SLC2A9: variants seen among roughly 807,000 people sequenced by gnomAD.
SLC2A9 encodes solute carrier family 2 member 9.
Under a neutral mutation model 50.6 loss-of-function variants are expected in SLC2A9, and 39 were observed. That is an observed-to-expected ratio of 0.77 (90% confidence interval 0.60 to 1.01). The LOEUF is 1.01. Among genes scored for constraint, SLC2A9 ranks in the 50% least tolerant of loss-of-function variants. SLC2A9 has a pLI of 0.00. For synonymous variants in SLC2A9, 324 were observed against 276.9 expected (o/e 1.17, Z -1.69); for missense variants, 686 against 677.6 (o/e 1.01, Z -0.14).
intron 5 of SLC2A9, among the ~76,000 whole-genome samples, chr4:9,973,138 A>G (rs1754185431): frequency 6.6e-6 from 1 of 152,220 alleles, no homozygotes; most frequent in Non-Finnish European, 1.5e-5. Context: ...ACAGAAATAT[A>G]AAATATCTTC....
chr4:10,029,940 TA>T (rs1560510534), intron 1 of SLC2A9, among the ~76,000 whole-genome samples: 1 of 152,090 alleles, frequency 6.6e-6, no homozygotes, highest in Non-Finnish European at 1.5e-5. Context: ...CTGGCAGAGA[TA>T]AATTTTTTTT....
intron 1 of SLC2A9, chr4:10,019,302 TGC>T (rs373399620): frequency 2.0e-4 from 113 of 575,820 alleles, no homozygotes; most frequent in African/African-American, 1.6e-3. Flanking sequence ...GCCACGCCCT[TGC>T]GTTCCTTCCG....
chr4:9,805,296 G>A (rs1051363015), intron 3 of SLC2A9, among the ~76,000 whole-genome samples: 11 of 152,224 alleles, frequency 7.2e-5, no homozygotes, highest in East Asian at 1.9e-4. Context: ...ACAGAAAGGC[G>A]CTGAGCCATG....
intron 10 of SLC2A9, among the ~76,000 whole-genome samples, chr4:9,882,328 G>A (rs1735354335): frequency 1.3e-5 from 2 of 152,104 alleles, no homozygotes; most frequent in Admixed American, 1.3e-4. Flanking sequence ...TTCAAAATGG[G>A]CATAATTCCA....
downstream of SLC2A9, among the ~76,000 whole-genome samples, chr4:9,779,416 C>T (rs193200220): frequency 7.2e-6 from 1 of 138,692 alleles, no homozygotes; most frequent in East Asian, 2.1e-4. Flanking sequence ...AGACTTTAAA[C>T]TTTTTTTTTT....
chr4:9,996,283 C>T (rs1560458305), intron 3 of SLC2A9, among the ~76,000 whole-genome samples: 1 of 152,236 alleles, frequency 6.6e-6, no homozygotes, highest in African/African-American at 2.4e-5. Flanking sequence ...TCTGGAAAAG[C>T]AGATCTGTAT....
At chr4:9,815,441 T>C (rs1723443508) in intron 3 of SLC2A9, among the ~76,000 whole-genome samples, 1 of 152,210 alleles carries the variant, frequency 6.6e-6, no homozygotes, top group Non-Finnish European at 1.5e-5. Context: ...GACAGAAGTT[T>C]TGACGGTCAC....
At position 9,890,678 on chromosome 4, in the gene SLC2A9, G is replaced by C; in HGVS notation, c.1147C>G (p.Leu383Val). The change falls in exon 9 of 12, where the codon CTC (leucine) becomes GTC (valine). Residue 383 changes from leucine to valine, a missense_variant. Physicochemically the swap from Leu to Val is conservative, Grantham distance 32. Coordinates refer to ENST00000264784, the MANE Select transcript of SLC2A9 (RefSeq NM_020041.3). ...ATGAGCCCAAAGCCACCAATGAGGA[G>C]GGGTCTCCGTCCCAGGTGCTCAATG... ...LVIEHLGRRP[L>V]LIGGFGLMGL... The C allele has an allele frequency of 2.5e-6, 4 of 1,614,126 alleles. No individual in the cohort carries two copies. The highest frequency in any genetic ancestry group is 2.5e-6 in the Non-Finnish European group (3 of 1,180,028).
At chr4:9,949,909 G>A (rs942545667) in intron 5 of SLC2A9, among the ~76,000 whole-genome samples, 1 of 152,154 alleles carries the variant, frequency 6.6e-6, no homozygotes, top group African/African-American at 2.4e-5. Flanking sequence ...TAGCAGTGGG[G>A]CCTCACAGGG....
chr4:9,924,713 C>T (rs1413830979), intron 6 of SLC2A9, among the ~76,000 whole-genome samples: 1 of 152,190 alleles, frequency 6.6e-6, no homozygotes, highest in Non-Finnish European at 1.5e-5. Context: ...AAATAAACTT[C>T]CCATCTTCAA....
At chr4:9,997,049 C>G (rs951056472) in intron 2 of SLC2A9, 108 bp from the exon 3 acceptor site, 1 of 1,295,106 alleles carries the variant, frequency 7.7e-7, no homozygotes, top group Non-Finnish European at 1.1e-6. Flanking sequence ...TCATGCATAG[C>G]ACTTTGCTAA....
downstream of SLC2A9, among the ~76,000 whole-genome samples, chr4:9,821,495 CAG>C (rs1047507586): frequency 3.3e-5 from 5 of 152,028 alleles, no homozygotes; most frequent in Non-Finnish European, 5.9e-5. Context: ...CGGGGCCTGT[CAG>C]GGGCTGGGGG....
rs1719671635 is a variant in SLC2A9 at position 9,789,772 on chromosome 4, C to A, written n.386-9707G>T. On this transcript the variant is annotated intron_variant and non_coding_transcript_variant, in intron 3 of 3. Coordinates refer to the SLC2A9 transcript ENST00000503803. ...CCATTTTGATATTGCAGGTATGAGA[C>A]CAAGGGATACATGTCTCCCATTTGT... 2.0e-5 allele frequency among the ~76,000 whole-genome samples: 3 copies of A among 152,310 alleles called. No individual in the cohort carries two copies. The South Asian group carries it at 6.2e-4, about 32-fold the overall frequency.
chr4:10,028,755 A>C (rs1360751647), intron 1 of SLC2A9, among the ~76,000 whole-genome samples: 3 of 152,162 alleles, frequency 2.0e-5, no homozygotes, highest in Non-Finnish European at 1.5e-5. Context: ...ATTAGGTCAG[A>C]GTGCTGCCTC....
At chr4:9,899,846 G>A (rs898394279) in intron 8 of SLC2A9, among the ~76,000 whole-genome samples, 2 of 152,176 alleles carry the variant, frequency 1.3e-5, no homozygotes, top group African/African-American at 4.8e-5. Flanking sequence ...GGAAGGAAAG[G>A]CTGGCAGCAG....
intron 1 of SLC2A9, among the ~76,000 whole-genome samples, chr4:10,019,631 T>C (rs1281199804): frequency 2.6e-5 from 4 of 152,220 alleles, no homozygotes; most frequent in Non-Finnish European, 4.4e-5. Context: ...TGTCCCCTGC[T>C]GACCCGTCAC....
intron 5 of SLC2A9, among the ~76,000 whole-genome samples, chr4:9,972,914 C>A (rs6853922): frequency 6.6e-6 from 1 of 152,020 alleles, no homozygotes; most frequent in African/African-American, 2.4e-5. Context: ...AAACCAACTC[C>A]AAAGTTAGCA....
At chr4:9,939,186 T>C (rs1470664297) in intron 6 of SLC2A9, among the ~76,000 whole-genome samples, 1 of 152,122 alleles carries the variant, frequency 6.6e-6, no homozygotes, top group African/African-American at 2.4e-5. Context: ...TGAGGTGCAT[T>C]GAACAGAGCT....
chr4:10,001,310 A>T (rs1314431044), intron 2 of SLC2A9, among the ~76,000 whole-genome samples: 1 of 152,176 alleles, frequency 6.6e-6, no homozygotes. Flanking sequence ...TGGTACCCTG[A>T]TAAAAAGGGG....
Sources: allele counts gnomAD v4.1 joint callset (sites outside exome capture counted in the v4.1 genomes callset), GRCh38; gene constraint gnomAD v4.1.1; transcripts MANE v1.5; gene names NCBI Gene and HGNC (gene_info 2026-07-23, HGNC 2026-07-21).